Variants in OR11A1 observed in about 807,000 individuals in gnomAD.
OR11A1 encodes the protein olfactory receptor family 11 subfamily A member 1.
For synonymous variants in OR11A1, 158 were observed against 152.2 expected (o/e 1.04, Z -0.28); for missense variants, 380 against 378.2 (o/e 1.00, Z -0.04).
At chr6:29,435,536 T>C (rs1783564056) in intron 1 of OR11A1, among the ~76,000 whole-genome samples, 1 of 152,232 alleles carries the variant, frequency 6.6e-6, no homozygotes, top group African/African-American at 2.4e-5. Context: ...TTCCTTAGAC[T>C]CCAGCCTAGG....
chr6:29,445,791 C>G (rs60194987), intron 1 of OR11A1, among the ~76,000 whole-genome samples: 2 of 152,116 alleles, frequency 1.3e-5, no homozygotes, highest in South Asian at 4.1e-4. Flanking sequence ...GAAATGGGAG[C>G]GTGTGCTTGT....
At chr6:29,435,164 T>C (rs1783533821) in intron 1 of OR11A1, among the ~76,000 whole-genome samples, 1 of 152,146 alleles carries the variant, frequency 6.6e-6, no homozygotes, top group East Asian at 1.9e-4. Context: ...TGGTTGCTGT[T>C]CCCACAGCCA....
chr6:29,427,371 C>T lies in OR11A1; in HGVS notation c.271G>A (p.Ala91Thr), dbSNP rs1390759523. The T allele has an allele frequency of 1.2e-6, 2 of 1,612,986 alleles. No homozygotes were observed. Among genetic ancestry groups the T allele is most frequent in the Non-Finnish European group, 1.7e-6 (2 of 1,180,038 alleles). ...PKMLEGFLQE[A>T]TISVAGCLLQ... ...AAGCAACCAGCCACAGAGATAGTTGCTTCTTGCAGGAAGCCCTCCAGCATT... is the reference window on the plus strand; with the variant it reads ...AAGCAACCAGCCACAGAGATAGTTGTTTCTTGCAGGAAGCCCTCCAGCATT... Residue 91 changes from alanine to threonine, a missense_variant, in exon 5 of 5, where the codon GCA becomes ACA. Physicochemically the swap from Ala to Thr is moderately conservative, Grantham distance 58. Transcript: ENST00000377149.
chr6:29,453,432 G>A lies in OR11A1; in HGVS notation c.-389+3555C>T, dbSNP rs7738548. 0.096 allele frequency among the ~76,000 whole-genome samples: 14,629 copies of A among 152,108 alleles called. 1,314 individuals are homozygous for A. Among genetic ancestry groups the A allele is most frequent in the African/African-American group, 0.23 (9,692 of 41,466 alleles). The stretch of plus-strand genomic sequence containing the variant: ...AATCATAGGTAACTGTGCCTGTCCT[G>A]TGAAAAGTGCTCCAGTACTACTCCA... On this transcript the variant is annotated intron_variant, in intron 1 of 4. Transcript: ENST00000377149. This position sits in a 1 kb window ranked among gnomAD's most constrained non-coding sequence, Gnocchi z 4.5.
At chr6:29,437,540 T>A (rs979610790) in intron 1 of OR11A1, among the ~76,000 whole-genome samples, 4 of 141,896 alleles carry the variant, frequency 2.8e-5, no homozygotes, top group Non-Finnish European at 6.0e-5. Context: ...CAGTCAAAAA[T>A]CATGAATGAC....
At chr6:29,455,244 T>C (rs561051340) in intron 1 of OR11A1, among the ~76,000 whole-genome samples, 30 of 152,172 alleles carry the variant, frequency 2.0e-4, no homozygotes, top group African/African-American at 7.2e-4. Context: ...ACTGAAAAAA[T>C]AGCACAGTGC....
At chr6:29,444,420 T>G (rs769594689) in intron 1 of OR11A1, among the ~76,000 whole-genome samples, 15 of 152,228 alleles carry the variant, frequency 9.9e-5, no homozygotes, top group Non-Finnish European at 1.8e-4. Flanking sequence ...GGTTGTGATC[T>G]CTACTCCGTT....
intron 1 of OR11A1, among the ~76,000 whole-genome samples, chr6:29,445,396 G>T (rs1414434257): frequency 6.6e-6 from 1 of 152,192 alleles, no homozygotes; most frequent in African/African-American, 2.4e-5. Flanking sequence ...AGGGAAGGGA[G>T]AAGGAGAGAA....
chr6:29,433,848 T>G (rs1028513807), intron 1 of OR11A1, among the ~76,000 whole-genome samples: 9 of 152,160 alleles, frequency 5.9e-5, no homozygotes, highest in African/African-American at 2.2e-4. Flanking sequence ...TCTTATCTTT[T>G]CTGTAGTAGG....
At chr6:29,441,230 C>A (rs1468256350) in intron 1 of OR11A1, among the ~76,000 whole-genome samples, 1 of 152,168 alleles carries the variant, frequency 6.6e-6, no homozygotes, top group Non-Finnish European at 1.5e-5. Flanking sequence ...GATAAAGTTA[C>A]AAAATATTAT....
intron 1 of OR11A1, among the ~76,000 whole-genome samples, chr6:29,443,264 A>G (rs1784392713): frequency 6.6e-6 from 1 of 152,128 alleles, no homozygotes; most frequent in African/African-American, 2.4e-5. Context: ...ACTCCATTGT[A>G]ATCTCTCTCT....
Position 29,426,666 on chromosome 6 carries a change from T to C in OR11A1, c.*28A>G, listed in dbSNP as rs772406036. 4 of 1,569,370 alleles carry C rather than the reference T, an allele frequency of 2.5e-6. No individual in the cohort carries two copies. The highest frequency in any genetic ancestry group is 3.5e-6 in the Non-Finnish European group (4 of 1,155,802). Reference sequence around the variant, plus strand: ...GAGTCCCCAGTGGAGGTGTCCGAAGTCCAAAATAACATCTTCATTACTCTC... The same window carrying C: ...GAGTCCCCAGTGGAGGTGTCCGAAGCCCAAAATAACATCTTCATTACTCTC... On this transcript the variant is annotated 3_prime_UTR_variant, in exon 5 of 5. Coordinates refer to ENST00000377149, the MANE Select transcript of OR11A1 (RefSeq NM_001394828.1).
chr6:29,456,352 T>C (rs1786255223), intron 1 of OR11A1, among the ~76,000 whole-genome samples: 1 of 150,776 alleles, frequency 6.6e-6, no homozygotes, highest in African/African-American at 2.4e-5. Context: ...CTACTAAAAA[T>C]ACAAAAAATT....
At chr6:29,449,553 G>A (rs761113270) in intron 1 of OR11A1, among the ~76,000 whole-genome samples, 1 of 152,120 alleles carries the variant, frequency 6.6e-6, no homozygotes, top group South Asian at 2.1e-4. Flanking sequence ...TCCCAGTTAT[G>A]ATTTTTCTTC....
intron 3 of OR11A1, 111 bp from the exon 4 acceptor site, chr6:29,429,071 ACTT>A: frequency 1.1e-5 from 2 of 175,420 alleles, no homozygotes; most frequent in Non-Finnish European, 2.2e-5. Context: ...TAACAGTGTT[ACTT>A]TCTAGAATAT....
At chr6:29,440,112 A>G in intron 1 of OR11A1, 1 of 1,613,110 alleles carries the variant, frequency 6.2e-7, no homozygotes, top group African/African-American at 1.3e-5. Flanking sequence ...CTTTCTCACT[A>G]TCTACCTGCT....
chr6:29,440,929 A>G, intron 1 of OR11A1: 1 of 1,611,786 alleles, frequency 6.2e-7, no homozygotes, highest in Non-Finnish European at 8.5e-7. Flanking sequence ...AGAACCATCC[A>G]GAAAACGGTG....
intron 4 of OR11A1, among the ~76,000 whole-genome samples, chr6:29,427,964 T>A (rs771705363): frequency 6.6e-6 from 1 of 152,176 alleles, no homozygotes; most frequent in African/African-American, 2.4e-5. Context: ...CTCTTTCGCA[T>A]AATCACCTCT....
chr6:29,430,874 T>C (rs1402571346), intron 2 of OR11A1, among the ~76,000 whole-genome samples: 1 of 152,178 alleles, frequency 6.6e-6, no homozygotes, highest in African/African-American at 2.4e-5. Context: ...TGAGAGGCTG[T>C]TATTCCCTTA....
Sources: allele counts gnomAD v4.1 joint callset (sites outside exome capture counted in the v4.1 genomes callset), GRCh38; gene constraint gnomAD v4.1.1; non-coding constraint Gnocchi (gnomAD v3.1); transcripts MANE v1.5; gene names NCBI Gene and HGNC (gene_info 2026-07-23, HGNC 2026-07-21).